RP1: variants seen among roughly 807,000 people sequenced by gnomAD.
RP1 encodes the protein oxygen-regulated protein 1.
In RP1, 16 loss-of-function variants were observed where a neutral mutation model predicts 14.8. The ratio of observed to expected loss-of-function variants is 1.08; its 90% confidence interval spans 0.73 to 1.65. The LOEUF (loss-of-function observed/expected upper bound fraction) is 1.65, where lower values mean the gene tolerates loss of function less well. Ranked by LOEUF, RP1 falls within the 40% of genes most tolerant of loss-of-function variation. The pLI is 0.00. For synonymous variants in RP1, 876 were observed against 883.6 expected, an observed-to-expected ratio of 0.99 and a Z score of 0.15; for missense variants, 2,631 against 2,535.0, an observed-to-expected ratio of 1.04 and a Z score of -0.81.
intron 24 of RP1, among the ~76,000 whole-genome samples, chr8:54,794,239 ACT>A (rs1281521446): frequency 6.6e-6 from 1 of 151,906 alleles, no homozygotes; most frequent in African/African-American, 2.4e-5. Context: ...ACCACAAAAA[ACT>A]CTAAATAGTC....
intron 7 of RP1, among the ~76,000 whole-genome samples, chr8:54,673,412 A>G (rs948648863): frequency 1.3e-5 from 2 of 152,210 alleles, no homozygotes; most frequent in African/African-American, 4.8e-5. Flanking sequence ...GAGCACAACT[A>G]TGTCTCCTTT....
At chr8:54,722,352 G>C (rs1276833101) in intron 16 of RP1, among the ~76,000 whole-genome samples, 1 of 150,730 alleles carries the variant, frequency 6.6e-6, no homozygotes, top group African/African-American at 2.4e-5. Context: ...CTCACTGCAA[G>C]CTCCACCTCC....
chr8:54,585,008 T>G (rs1804886612), intron 1 of RP1, among the ~76,000 whole-genome samples: 1 of 152,172 alleles, frequency 6.6e-6, no homozygotes, highest in Non-Finnish European at 1.5e-5. Flanking sequence ...CCATTTAAGG[T>G]TAATATTGTT....
intron 24 of RP1, among the ~76,000 whole-genome samples, chr8:54,829,986 T>TA (rs1480671243): frequency 3.3e-5 from 5 of 152,094 alleles, no homozygotes; most frequent in Admixed American, 1.3e-4. Flanking sequence ...TTCTTAGAAT[T>TA]AAAAAAAGAG....
downstream of RP1, chr8:54,770,138 A>G: frequency 2.5e-6 from 1 of 404,108 alleles, no homozygotes; most frequent in Middle Eastern, 6.3e-4. Flanking sequence ...CAAATAAATC[A>G]TCAACCTAAA....
At chr8:54,867,074 C>T (rs576957163) in intron 28 of RP1, among the ~76,000 whole-genome samples, 1 of 152,134 alleles carries the variant, frequency 6.6e-6, no homozygotes, top group African/African-American at 2.4e-5. Flanking sequence ...AGATGTAACG[C>T]TACATGAAGC....
upstream of RP1, among the ~76,000 whole-genome samples, chr8:54,614,310 G>C (rs1302733606): frequency 1.3e-5 from 2 of 152,168 alleles, no homozygotes; most frequent in East Asian, 3.9e-4. Flanking sequence ...AATCTCAGAG[G>C]CCATGGCAAT....
chr8:54,870,754 C>A (rs1812571103), exon 29 of RP1: 1 of 152,120 alleles, frequency 6.6e-6, no homozygotes, highest in Non-Finnish European at 1.5e-5. Context: ...ATCAAAGACA[C>A]CTGTCTTTGA....
chr8:54,756,608 A>G (rs79115631), intron 21 of RP1, among the ~76,000 whole-genome samples: 3,727 of 152,306 alleles, frequency 0.024, 164 homozygotes, highest in African/African-American at 0.084. Context: ...TCAGGAATGA[A>G]TTATTAATTT....
Position 54,628,906 on chromosome 8 carries a change from C to T in RP1, c.5024C>T (p.Ser1675Phe), listed in dbSNP as rs202092613. 8.4e-5 allele frequency: 136 copies of T among 1,613,866 alleles called. No individual in the cohort carries two copies. Among genetic ancestry groups the T allele is most frequent in the Admixed American group, 2.5e-4 (15 of 59,990 alleles). Residue 1675 changes from serine (S) to phenylalanine (F), a missense_variant, in exon 4 of 4, where the codon TCT (serine) becomes TTT (phenylalanine). Transcript: ENST00000220676. ...QCSRKASLYD[S>F]EGQSFGSSEQ... ...TCCAGGAAAGCAAGTCTTTATGATT[C>T]TGAAGGGCAGTCATTTGGCTCTTCT...
At chr8:54,732,467 T>C (rs1286132376) in intron 17 of RP1, among the ~76,000 whole-genome samples, 1 of 152,206 alleles carries the variant, frequency 6.6e-6, no homozygotes, top group African/African-American at 2.4e-5. Flanking sequence ...TCAGTTCTGT[T>C]ATTATGAGAG....
chr8:54,559,430 A>G (rs1289794034), intron 1 of RP1: 1 of 152,142 alleles, frequency 6.6e-6, no homozygotes, highest in Non-Finnish European at 1.5e-5. Flanking sequence ...TTTAACTTTT[A>G]TTTAAATGTG....
chr8:54,605,231 A>G (rs1805402168), intron 1 of RP1, among the ~76,000 whole-genome samples: 1 of 152,140 alleles, frequency 6.6e-6, no homozygotes, highest in African/African-American at 2.4e-5. Flanking sequence ...AGATTCTGGT[A>G]TGTTGTGTCT....
At chr8:54,652,528 T>A (rs2129326216) in intron 4 of RP1, among the ~76,000 whole-genome samples, 1 of 152,274 alleles carries the variant, frequency 6.6e-6, no homozygotes, top group South Asian at 2.1e-4. Context: ...TTTCTCTACT[T>A]GTTCTACCCA....
At chr8:54,593,252 T>G (rs1585534530) in intron 1 of RP1, among the ~76,000 whole-genome samples, 2 of 152,286 alleles carry the variant, frequency 1.3e-5, no homozygotes, top group Middle Eastern at 6.8e-3. Flanking sequence ...AGAGATTTCT[T>G]TCTTCAAAAT....
At chr8:54,858,571 T>C (rs1442101488) in intron 27 of RP1, among the ~76,000 whole-genome samples, 2 of 152,102 alleles carry the variant, frequency 1.3e-5, no homozygotes, top group African/African-American at 4.8e-5. Flanking sequence ...GCTGTGTCAC[T>C]GTAGAGCAGT....
chr8:54,828,882 C>CTTT (rs201534661), intron 24 of RP1, among the ~76,000 whole-genome samples: 1,251 of 83,978 alleles, frequency 0.015, 42 homozygotes, highest in East Asian at 0.018. Flanking sequence ...TCTTCTTCTT[C>CTTT]TTTTTTTTTT....
Position 54,630,366 on chromosome 8 carries a change from C to G in RP1, c.*13C>G. The G allele has an allele frequency of 1.2e-6, 2 of 1,613,004 alleles. No individual in the cohort carries two copies. Among genetic ancestry groups the G allele is most frequent in the Non-Finnish European group, 1.7e-6 (2 of 1,179,456 alleles). On this transcript the variant is annotated 3_prime_UTR_variant, in exon 4 of 4. Transcript: ENST00000220676. Reference sequence around the variant, plus strand: ...AGAAGATTTATAATTTCAATATCAGCACACTCATTCTTTGTCAATTCATTT... The same window carrying G: ...AGAAGATTTATAATTTCAATATCAGGACACTCATTCTTTGTCAATTCATTT...
At chr8:54,793,135 T>C (rs557626670) in intron 24 of RP1, among the ~76,000 whole-genome samples, 1 of 151,638 alleles carries the variant, frequency 6.6e-6, no homozygotes, top group South Asian at 2.1e-4. Flanking sequence ...GATTGAAACA[T>C]GAAGAAATAG....
Sources: gnomAD v4.1 joint callset for allele counts (sites outside exome capture counted in the v4.1 genomes callset) on GRCh38, gnomAD v4.1.1 for gene constraint, MANE v1.5 for transcripts, NCBI Gene and HGNC (gene_info 2026-07-23, HGNC 2026-07-21) for gene names.